Variants in TENM3 observed in about 807,000 individuals in gnomAD.
TENM3 encodes teneurin transmembrane protein 3, also known as teneurin-3.
Under a neutral mutation model 255.1 loss-of-function variants are expected in TENM3, and 63 were observed. That is an observed-to-expected ratio of 0.25 (90% confidence interval 0.20 to 0.30). TENM3 has a LOEUF of 0.30. Ranked by LOEUF, TENM3 falls within the 10% of genes least tolerant of loss-of-function variation. The probability of loss-of-function intolerance (pLI) is 1.00; values close to 1 mark genes in which losing one functional copy is unlikely to be tolerated. For missense variants in TENM3, 2,929 were observed against 3,461.1 expected (o/e 0.85, Z 3.86); for synonymous variants, 1,306 against 1,322.3 (o/e 0.99, Z 0.27).
At chr4:182,356,209 C>T (rs906994869) in intron 3 of TENM3, among the ~76,000 whole-genome samples, 1 of 152,032 alleles carries the variant, frequency 6.6e-6, no homozygotes, top group African/African-American at 2.4e-5. Flanking sequence ...CAAAAACTTC[C>T]AAAAGTTGCT....
At chr4:182,257,004 G>A (rs753707569) in intron 1 of TENM3, among the ~76,000 whole-genome samples, 4 of 152,114 alleles carry the variant, frequency 2.6e-5, no homozygotes, top group Admixed American at 6.6e-5. Context: ...CAAAAAAAAG[G>A]TAGTGAATAT....
chr4:182,143,648 C>T (rs945470922), upstream of TENM3: 2 of 164,978 alleles, frequency 1.2e-5, no homozygotes, highest in African/African-American at 4.8e-5. The surrounding 1 kb of genome is among the most constrained non-coding windows in gnomAD (Gnocchi z 4.3). Context: ...CCCCCTCCCC[C>T]AGGGCCGCCT....
chr4:182,156,457 C>T (rs190527611), intron 1 of TENM3, among the ~76,000 whole-genome samples: 9 of 152,072 alleles, frequency 5.9e-5, no homozygotes, highest in African/African-American at 1.7e-4. Flanking sequence ...TCTCGTCACC[C>T]GGGCAGTGAG....
the TENM3 span, among the ~76,000 whole-genome samples, chr4:181,949,932 G>A: frequency 1.3e-5 from 2 of 152,036 alleles, no homozygotes; most frequent in East Asian, 1.9e-4. Context: ...CCACCTCCTC[G>A]GAGAGCCCAT....
chr4:182,795,268 G>T (rs1252149322), intron 26 of TENM3, among the ~76,000 whole-genome samples: 1 of 151,974 alleles, frequency 6.6e-6, no homozygotes, highest in Non-Finnish European at 1.5e-5. Context: ...CCATTATTTT[G>T]GCAGTACTTT....
the TENM3 span, among the ~76,000 whole-genome samples, chr4:181,921,735 C>A: frequency 1.3e-5 from 2 of 152,030 alleles, no homozygotes; most frequent in Non-Finnish European, 2.9e-5. Flanking sequence ...TTTCCTTCTC[C>A]TGACTAATTG....
At chr4:182,721,858 T>C (rs1377963587) in intron 13 of TENM3, among the ~76,000 whole-genome samples, 1 of 152,178 alleles carries the variant, frequency 6.6e-6, no homozygotes, top group Non-Finnish European at 1.5e-5. Flanking sequence ...TATTTATTTC[T>C]TTTTTTGCTA....
intron 12 of TENM3, among the ~76,000 whole-genome samples, chr4:182,712,482 T>C (rs963666754): frequency 6.6e-6 from 1 of 152,090 alleles, no homozygotes; most frequent in Admixed American, 6.6e-5. Context: ...CTTTTATTTA[T>C]TGAATAATCC....
At chr4:182,442,778 G>A (rs1480352267) in intron 3 of TENM3, among the ~76,000 whole-genome samples, 2 of 148,160 alleles carry the variant, frequency 1.3e-5, no homozygotes, top group East Asian at 2.0e-4. Flanking sequence ...GTGTGTGTGT[G>A]TGTACATATG....
chr4:182,750,093 A>G (rs1179813695), intron 19 of TENM3, among the ~76,000 whole-genome samples: 1 of 152,248 alleles, frequency 6.6e-6, no homozygotes, highest in African/African-American at 2.4e-5. Context: ...GTGTTGCTGC[A>G]TTAAGATTGT....
chr4:181,568,751 G>A, the TENM3 span, among the ~76,000 whole-genome samples: 2 of 152,114 alleles, frequency 1.3e-5, no homozygotes, highest in African/African-American at 2.4e-5. Flanking sequence ...CCAACAAACA[G>A]ATCCCACTTC....
At chr4:182,115,616 G>GAT in the TENM3 span, among the ~76,000 whole-genome samples, 2 of 152,272 alleles carry the variant, frequency 1.3e-5, no homozygotes, top group African/African-American at 4.8e-5. Flanking sequence ...AATTTCAGAG[G>GAT]ATATCTAGTT....
At chr4:181,876,495 A>G in the TENM3 span, among the ~76,000 whole-genome samples, 1 of 152,164 alleles carries the variant, frequency 6.6e-6, no homozygotes, top group Non-Finnish European at 1.5e-5. Flanking sequence ...AAACATCCCA[A>G]AGAATGCTGT....
At chr4:181,870,916 G>C in the TENM3 span, among the ~76,000 whole-genome samples, 1 of 151,952 alleles carries the variant, frequency 6.6e-6, no homozygotes, top group Admixed American at 6.6e-5. Context: ...GATGCAATTG[G>C]ATCTCTGATT....
chr4:182,494,318 C>T (rs1000319246), intron 3 of TENM3, among the ~76,000 whole-genome samples: 8 of 152,076 alleles, frequency 5.3e-5, no homozygotes, highest in Admixed American at 2.6e-4. Flanking sequence ...TGGTAAACCA[C>T]GGTTTGAAAA....
the TENM3 span, among the ~76,000 whole-genome samples, chr4:181,741,065 T>C: frequency 1.3e-5 from 2 of 152,240 alleles, no homozygotes; most frequent in African/African-American, 4.8e-5. Context: ...ATCAAGGCTG[T>C]CTTTCTATGA....
intron 1 of TENM3, among the ~76,000 whole-genome samples, chr4:182,274,508 A>C (rs1291952821): frequency 1.3e-5 from 2 of 152,054 alleles, no homozygotes; most frequent in African/African-American, 4.8e-5. Context: ...ACGTGTTTGG[A>C]TATTGAAAGA....
chr4:182,650,924 A>ATATATATATATATATATATAT (rs1491428844), intron 5 of TENM3, among the ~76,000 whole-genome samples: 7 of 10,528 alleles, frequency 6.6e-4, no homozygotes, highest in Admixed American at 2.2e-3. Flanking sequence ...ATATATATAT[A>ATATATATATATATATATATAT]AAACAAAGCT....
At chr4:182,052,900 T>C in the TENM3 span, among the ~76,000 whole-genome samples, 2 of 152,172 alleles carry the variant, frequency 1.3e-5, no homozygotes, top group African/African-American at 4.8e-5. Flanking sequence ...GATGAACTTT[T>C]GTGTTTGTAT....
Sources: allele counts gnomAD v4.1 joint callset (sites outside exome capture counted in the v4.1 genomes callset), GRCh38; gene constraint gnomAD v4.1.1; non-coding constraint Gnocchi (gnomAD v3.1); transcripts MANE v1.5; gene names NCBI Gene and HGNC (gene_info 2026-07-23, HGNC 2026-07-21).